Variants in ZSCAN4 observed in about 807,000 individuals in gnomAD.
ZSCAN4 encodes the protein zinc finger and SCAN domain containing 4.
A neutral mutation model predicts 18.3 loss-of-function variants in ZSCAN4; 18 were observed. The ratio of observed to expected loss-of-function variants is 0.98; its 90% CI spans 0.68 to 1.46. ZSCAN4 has a LOEUF of 1.46. ZSCAN4 is among the 40% of genes most tolerant of loss of function. ZSCAN4 has a pLI of 0.00. For synonymous variants in ZSCAN4, 193 were observed against 180.3 expected, an observed-to-expected ratio of 1.07 and a Z score of -0.57; for missense variants, 498 against 511.4, an observed-to-expected ratio of 0.97 and a Z score of 0.25.
chr19:57,656,720 T>C, the ZSCAN4 span, among the ~76,000 whole-genome samples: 11 of 152,356 alleles, frequency 7.2e-5, no homozygotes, highest in African/African-American at 2.4e-4. Flanking sequence ...ATGATGAGTA[T>C]TCAGAATACG....
the ZSCAN4 span, among the ~76,000 whole-genome samples, chr19:57,658,970 G>A: frequency 1.6e-3 from 241 of 152,028 alleles, 3 homozygotes; most frequent in African/African-American, 4.7e-3. Context: ...AATATTTTCG[G>A]GACCAGAAAC....
At chr19:57,678,001 A>G (rs1368074684) in exon 4 of ZSCAN4, 1 of 1,602,466 alleles carries the variant, frequency 6.2e-7, no homozygotes, top group Non-Finnish European at 8.5e-7. Flanking sequence ...AAAACAAGTG[A>G]ATGCCCAAAC....
At chr19:57,671,915 C>T (rs1411269097) in intron 2 of ZSCAN4, among the ~76,000 whole-genome samples, 11 of 152,170 alleles carry the variant, frequency 7.2e-5, no homozygotes, top group Admixed American at 3.3e-4. Context: ...CCACGTATTA[C>T]TCCTACCATT....
At chr19:57,662,616 CAGTG>C in the ZSCAN4 span, among the ~76,000 whole-genome samples, 1 of 152,132 alleles carries the variant, frequency 6.6e-6, no homozygotes, top group Non-Finnish European at 1.5e-5. Context: ...GACTGGAGTG[CAGTG>C]GCACAATGTC....
the ZSCAN4 span, among the ~76,000 whole-genome samples, chr19:57,660,728 G>A: frequency 2.2e-3 from 334 of 152,252 alleles, 3 homozygotes; most frequent in African/African-American, 7.8e-3. Flanking sequence ...TATCCTCAAA[G>A]TTTCTGAATT....
chr19:57,654,221 A>G, the ZSCAN4 span, among the ~76,000 whole-genome samples: 1 of 152,080 alleles, frequency 6.6e-6, no homozygotes, highest in African/African-American at 2.4e-5. Context: ...GTCATCCCTC[A>G]ATGTCCCACC....
At chr19:57,654,689 T>A in the ZSCAN4 span, among the ~76,000 whole-genome samples, 2 of 152,082 alleles carry the variant, frequency 1.3e-5, no homozygotes, top group Non-Finnish European at 2.9e-5. Flanking sequence ...CACTTTACTT[T>A]CCCATATCCC....
intron 2 of ZSCAN4, among the ~76,000 whole-genome samples, chr19:57,675,267 C>T (rs1024217618): frequency 1.5e-4 from 22 of 151,614 alleles, no homozygotes; most frequent in Admixed American, 1.4e-3. Flanking sequence ...CCCATCTCAG[C>T]CTCCTGAGTA....
intron 3 of ZSCAN4, 47 bp from the exon 4 acceptor site, chr19:57,677,867 G>A: frequency 6.7e-7 from 1 of 1,486,562 alleles, no homozygotes. Flanking sequence ...AAAGTCTTCT[G>A]TTACACAACA....
chr19:57,651,699 AC>A, the ZSCAN4 span, among the ~76,000 whole-genome samples: 1 of 151,988 alleles, frequency 6.6e-6, no homozygotes, highest in Non-Finnish European at 1.5e-5. Flanking sequence ...CCTTTTTGCA[AC>A]CTGGGAAGCA....
chr19:57,669,743 T>A (rs74450500), intron 1 of ZSCAN4, among the ~76,000 whole-genome samples: 1 of 144,010 alleles, frequency 6.9e-6, no homozygotes, highest in African/African-American at 2.6e-5. Flanking sequence ...GTTTTTTTTT[T>A]AGAGACTTGG....
chr19:57,663,224 C>G, the ZSCAN4 span, among the ~76,000 whole-genome samples: 1 of 150,632 alleles, frequency 6.6e-6, no homozygotes. Context: ...CACTTTGAAT[C>G]CCACATGTTA....
chr19:57,653,390 G>GAA, the ZSCAN4 span, among the ~76,000 whole-genome samples: 30 of 76,482 alleles, frequency 3.9e-4, 2 homozygotes, highest in African/African-American at 9.5e-4. Flanking sequence ...CCATCTCAAA[G>GAA]AAAAAAAAAA....
At chr19:57,667,704 A>G (rs554902275), upstream of ZSCAN4, among the ~76,000 whole-genome samples, 6 of 152,270 alleles carry the variant, frequency 3.9e-5, no homozygotes, top group South Asian at 1.2e-3. Context: ...CAAAAATCCA[A>G]TAACCTCCTC....
At chr19:57,675,049 G>A (rs1011082165) in intron 2 of ZSCAN4, among the ~76,000 whole-genome samples, 1 of 150,648 alleles carries the variant, frequency 6.6e-6, no homozygotes, top group South Asian at 2.1e-4. Context: ...CCACTTCCCG[G>A]GTTCAAGGGA....
chr19:57,677,979 T>A (rs1293316554), exon 4 of ZSCAN4: 2 of 1,601,200 alleles, frequency 1.2e-6, no homozygotes, highest in Non-Finnish European at 1.7e-6. Flanking sequence ...GAGATGTCAT[T>A]GTTCATCTCA....
the ZSCAN4 span, among the ~76,000 whole-genome samples, chr19:57,655,656 A>G: frequency 6.6e-6 from 1 of 152,052 alleles, no homozygotes; most frequent in African/African-American, 2.4e-5. Context: ...CTTACAACAA[A>G]CACACACCTC....
upstream of ZSCAN4, among the ~76,000 whole-genome samples, chr19:57,665,244 A>G (rs891940859): frequency 5.3e-5 from 8 of 152,222 alleles, no homozygotes; most frequent in African/African-American, 1.7e-4. Context: ...AAGCAAAAAG[A>G]ATCTAGCTGC....
At chr19:57,666,638 C>T (rs1983857703), upstream of ZSCAN4, among the ~76,000 whole-genome samples, 1 of 150,364 alleles carries the variant, frequency 6.7e-6, no homozygotes, top group Non-Finnish European at 1.5e-5. Context: ...AATCCCAGCA[C>T]CTGGGGAGGC....
Sources: allele counts gnomAD v4.1 joint callset (sites outside exome capture counted in the v4.1 genomes callset), GRCh38; gene constraint gnomAD v4.1.1; transcripts MANE v1.5; gene names NCBI Gene and HGNC (gene_info 2026-07-23, HGNC 2026-07-21).